The following RPA3 variants were observed in gnomAD, a reference collection of about 807,000 sequenced individuals.
RPA3 encodes the protein replication protein A3, also known as replication protein A 14 kDa subunit.
Under a neutral mutation model 13.7 loss-of-function variants are expected in RPA3, and 24 were observed. That is an observed-to-expected ratio of 1.75 (90% CI 1.27 to 2.46). The LOEUF (loss-of-function observed/expected upper bound fraction) is 2.46. RPA3 is among the 30% of genes most tolerant of loss of function. The pLI, the probability that RPA3 is intolerant of heterozygous loss-of-function variation, is 0.00. For synonymous variants in RPA3, 59 were observed against 51.2 expected (o/e 1.15, Z -0.65); for missense variants, 183 against 151.0 (o/e 1.21, Z -1.11).
chr7:7,701,925 T>C (rs184325590), intron 2 of RPA3, among the ~76,000 whole-genome samples: 2 of 152,360 alleles, frequency 1.3e-5, no homozygotes, highest in East Asian at 3.9e-4. Context: ...TGCCATCAGC[T>C]ATACCTCCCT....
chr7:7,705,803 C>T (rs534301845), intron 2 of RPA3, among the ~76,000 whole-genome samples: 11 of 152,022 alleles, frequency 7.2e-5, no homozygotes, highest in African/African-American at 2.2e-4. Context: ...TTGGTGATAG[C>T]GATGTGTCAG....
intron 4 of RPA3, among the ~76,000 whole-genome samples, chr7:7,674,999 T>C (rs917060379): frequency 7.9e-5 from 12 of 152,076 alleles, no homozygotes; most frequent in African/African-American, 2.9e-4. Context: ...CTGTTGTTTT[T>C]ATTATATATG....
chr7:7,705,042 A>G (rs1317049493), intron 2 of RPA3, among the ~76,000 whole-genome samples: 1 of 152,206 alleles, frequency 6.6e-6, no homozygotes, highest in South Asian at 2.1e-4. Flanking sequence ...CATCTGTAAC[A>G]CAGGACTACT....
intron 4 of RPA3, among the ~76,000 whole-genome samples, chr7:7,680,751 G>C (rs568889972): frequency 6.6e-6 from 1 of 151,856 alleles, no homozygotes; most frequent in South Asian, 2.1e-4. Flanking sequence ...TTATTTTAGA[G>C]ATCTTTCACT....
chr7:7,663,804 G>C (rs901607467), intron 4 of RPA3, among the ~76,000 whole-genome samples: 3 of 152,128 alleles, frequency 2.0e-5, no homozygotes, highest in African/African-American at 7.2e-5. Flanking sequence ...CATTTTTATG[G>C]ATAGGAATTA....
In RPA3 at chr7:7,696,733, A is replaced by G. The variant is rs1026260729; in HGVS notation, c.-1027-9405T>C. On this transcript the variant is annotated intron_variant, in intron 2 of 7. Transcript: ENST00000223129. ...TAGAACTGCTCAAAGTCAGCTCTCA[A>G]TAGTGGGCACTGATTCTTGCCAACT... Among the ~76,000 whole-genome samples, 26 of 152,178 alleles carry G rather than the reference A, an allele frequency of 1.7e-4. 1 individual carries two copies. Among genetic ancestry groups the G allele is most frequent in the Admixed American group, 1.4e-3 (21 of 15,282 alleles).
chr7:7,700,323 A>G (rs985306788), intron 2 of RPA3, among the ~76,000 whole-genome samples: 16 of 152,156 alleles, frequency 1.1e-4, no homozygotes, highest in African/African-American at 3.4e-4. Context: ...GTACCTCCCA[A>G]AGGTCTCCTA....
intron 2 of RPA3, among the ~76,000 whole-genome samples, chr7:7,705,969 T>C (rs764322485): frequency 3.3e-5 from 5 of 152,160 alleles, no homozygotes; most frequent in Non-Finnish European, 7.4e-5. Flanking sequence ...AAATAACCTC[T>C]GCTTTAAAAA....
chr7:7,699,049 T>TC (rs1780389850), intron 2 of RPA3, among the ~76,000 whole-genome samples: 1 of 143,610 alleles, frequency 7.0e-6, no homozygotes, highest in Non-Finnish European at 1.5e-5. Context: ...TGTGTGTGTG[T>TC]GGGGGGGGGG....
intron 4 of RPA3, among the ~76,000 whole-genome samples, chr7:7,658,849 T>C (rs1330440994): frequency 6.6e-6 from 1 of 152,228 alleles, no homozygotes; most frequent in Non-Finnish European, 1.5e-5. Context: ...CCCCTTTTTT[T>C]CTATTGTTTG....
At chr7:7,666,813 T>C (rs1779471105) in intron 4 of RPA3, among the ~76,000 whole-genome samples, 1 of 152,118 alleles carries the variant, frequency 6.6e-6, no homozygotes, top group Admixed American at 6.5e-5. Context: ...TATTTATTTA[T>C]TTATTGTTTG....
chr7:7,714,853 C>CTT (rs1029148023), intron 2 of RPA3, among the ~76,000 whole-genome samples: 14 of 111,170 alleles, frequency 1.3e-4, no homozygotes, highest in Non-Finnish European at 2.1e-4. Flanking sequence ...AAAAATTTTT[C>CTT]TTTTTTTTTT....
chr7:7,700,616 G>A (rs781697843), intron 2 of RPA3, among the ~76,000 whole-genome samples: 2 of 152,168 alleles, frequency 1.3e-5, no homozygotes, highest in South Asian at 2.1e-4. Flanking sequence ...GGCCGGGCGC[G>A]GTGGCTCACG....
At position 7,637,945 on chromosome 7, in the gene RPA3, C is replaced by T; in HGVS notation, c.202G>A (p.Glu68Lys). 6.2e-7 allele frequency: 1 copy of T among 1,613,514 alleles called. No individual in the cohort carries two copies. The change falls in exon 7 of 8, where the codon GAA (glutamate) becomes AAA (lysine). Residue 68 changes from glutamate to lysine, a missense_variant. Physicochemically the swap from Glu to Lys is moderately conservative, Grantham distance 56. Transcript: ENST00000223129. Reference sequence around the variant, plus strand: ...TTGGCGGTTACTCTTCCAACCACTTCCACAATTCCAGAGATTTCTTCATCA... The same window carrying T: ...TTGGCGGTTACTCTTCCAACCACTTTCACAATTCCAGAGATTTCTTCATCA... ...PLDEEISGIV[E>K]VVGRVTAKAT...
At chr7:7,657,800 A>G (rs1166729929) in intron 4 of RPA3, among the ~76,000 whole-genome samples, 1 of 152,122 alleles carries the variant, frequency 6.6e-6, no homozygotes, top group East Asian at 1.9e-4. Flanking sequence ...TGTGGGCTCT[A>G]TTTTGGTTCT....
At chr7:7,703,169 G>A (rs1298614843) in intron 2 of RPA3, among the ~76,000 whole-genome samples, 1 of 152,022 alleles carries the variant, frequency 6.6e-6, no homozygotes, top group African/African-American at 2.4e-5. Context: ...ATAATTACTG[G>A]TGCCCACTAA....
intron 6 of RPA3, 69 bp from the exon 7 acceptor site, chr7:7,638,041 G>A: frequency 9.1e-7 from 1 of 1,104,426 alleles, no homozygotes. Context: ...TTGGAAAACT[G>A]TTATACAGGT....
intron 4 of RPA3, among the ~76,000 whole-genome samples, chr7:7,663,081 G>A (rs1273652570): frequency 1.3e-5 from 2 of 151,700 alleles, no homozygotes; most frequent in Non-Finnish European, 2.9e-5. Context: ...GCACCCAAAT[G>A]CGAAAGTTTA....
intron 4 of RPA3, among the ~76,000 whole-genome samples, chr7:7,677,922 C>G (rs1328953651): frequency 6.6e-6 from 1 of 151,782 alleles, no homozygotes; most frequent in African/African-American, 2.4e-5. Flanking sequence ...ATCCGCCCGC[C>G]TCGGCCTCCC....
Sources: gnomAD v4.1 joint callset for allele counts (sites outside exome capture counted in the v4.1 genomes callset) on GRCh38, gnomAD v4.1.1 for gene constraint, MANE v1.5 for transcripts, NCBI Gene and HGNC (gene_info 2026-07-23, HGNC 2026-07-21) for gene names.